The following PIGL variants were observed in gnomAD, a reference collection of about 807,000 sequenced individuals.
PIGL encodes N-acetylglucosaminyl-phosphatidylinositol de-N-acetylase.
PIGL carries 22 observed loss-of-function variants against 31.1 expected under a neutral mutation model. The observed-to-expected ratio is 0.71, with a 90% confidence interval of 0.51 to 1.01. The LOEUF (loss-of-function observed/expected upper bound fraction) is 1.01. Among genes scored for constraint, PIGL ranks in the 50% least tolerant of loss-of-function variants. PIGL has a pLI of 0.00. For synonymous variants in PIGL, 131 were observed against 117.4 expected, an observed-to-expected ratio of 1.12 and a Z score of -0.75; for missense variants, 302 against 315.9, an observed-to-expected ratio of 0.96 and a Z score of 0.33.
intron 2 of PIGL, among the ~76,000 whole-genome samples, chr17:16,272,601 C>T (rs2092877435): frequency 6.6e-6 from 1 of 152,192 alleles, no homozygotes; most frequent in Non-Finnish European, 1.5e-5. Context: ...AATTCTGGCT[C>T]ATCGTCCTAC....
intron 2 of PIGL, among the ~76,000 whole-genome samples, chr17:16,263,974 T>C (rs2092830318): frequency 1.3e-5 from 2 of 149,112 alleles, no homozygotes; most frequent in South Asian, 4.3e-4. Context: ...CCCGAGTAGC[T>C]GGGATTACAG....
intron 2 of PIGL, among the ~76,000 whole-genome samples, chr17:16,264,354 C>A (rs1443290523): frequency 1.3e-5 from 2 of 151,878 alleles, no homozygotes; most frequent in Admixed American, 6.6e-5. Flanking sequence ...CCATGTTGGC[C>A]AGGCTGGTCT....
intron 2 of PIGL, among the ~76,000 whole-genome samples, chr17:16,238,623 CAG>C: frequency 6.7e-6 from 1 of 149,554 alleles, no homozygotes; most frequent in Non-Finnish European, 1.5e-5. Context: ...TTTAGTAAGA[CAG>C]GGTTGCCAGG....
At chr17:16,295,089 C>T (rs181461275) in intron 2 of PIGL, among the ~76,000 whole-genome samples, 20 of 152,252 alleles carry the variant, frequency 1.3e-4, no homozygotes, top group Admixed American at 7.2e-4. Context: ...ATGTAACATC[C>T]GTCCATCGGG....
intron 3 of PIGL, among the ~76,000 whole-genome samples, chr17:16,309,028 C>T (rs570317894): frequency 3.3e-5 from 5 of 152,284 alleles, no homozygotes; most frequent in South Asian, 2.1e-4. Context: ...TGGGGTCAAG[C>T]GATCCTCCTA....
In PIGL at chr17:16,298,609, C is replaced by G. The variant is rs369638583; in HGVS notation, c.336-1279C>G. On this transcript the variant is annotated intron_variant, in intron 2 of 6. Coordinates refer to ENST00000225609, the MANE Select transcript of PIGL (RefSeq NM_004278.4). ...TACCTGACATGCAGCAAGTCCCAGT[C>G]CTGATGGAGGGAGGATGTAGCCAGC... 6.2e-4 allele frequency among the ~76,000 whole-genome samples: 94 copies of G among 152,290 alleles called. 2 individuals carry two copies. The South Asian group carries it at 0.013, about 21-fold the overall frequency.
At chr17:16,282,210 C>G (rs1208506357) in intron 2 of PIGL, 2 of 357,786 alleles carry the variant, frequency 5.6e-6, no homozygotes, top group Non-Finnish European at 1.3e-5. Context: ...AAAGCCCTCC[C>G]TTTTTCTGGG....
intron 2 of PIGL, among the ~76,000 whole-genome samples, chr17:16,289,839 C>T (rs781219295): frequency 1.2e-4 from 19 of 152,264 alleles, no homozygotes; most frequent in Non-Finnish European, 2.4e-4. Context: ...TGCAGTGGCA[C>T]GATCTTGGCT....
intron 3 of PIGL, among the ~76,000 whole-genome samples, chr17:16,301,638 C>T (rs867722131): frequency 1.4e-4 from 20 of 147,628 alleles, no homozygotes; most frequent in Non-Finnish European, 2.1e-4. Flanking sequence ...GTGGTGTGAT[C>T]GCCGCTCACT....
At chr17:16,240,299 G>A (rs1437344642) in intron 2 of PIGL, among the ~76,000 whole-genome samples, 1 of 152,018 alleles carries the variant, frequency 6.6e-6, no homozygotes, top group Non-Finnish European at 1.5e-5. Flanking sequence ...AGCCTGCAGA[G>A]CCATGAGCCA....
chr17:16,290,120 G>T (rs541348852), intron 2 of PIGL, among the ~76,000 whole-genome samples: 2 of 146,580 alleles, frequency 1.4e-5, no homozygotes, highest in East Asian at 4.1e-4. Flanking sequence ...TTGAGACGGA[G>T]ACTTGCTCTG....
chr17:16,311,486 A>ATTTTTTTTTTTTTT (rs1568840853), intron 3 of PIGL, among the ~76,000 whole-genome samples: 89 of 10,156 alleles, frequency 8.8e-3, no homozygotes, highest in Middle Eastern at 0.077. Context: ...TTTTTTGATC[A>ATTTTTTTTTTTTTT]TTCTTGGGTG....
intron 2 of PIGL, among the ~76,000 whole-genome samples, chr17:16,264,656 A>G (rs950659465): frequency 6.7e-6 from 1 of 148,606 alleles, no homozygotes; most frequent in Non-Finnish European, 1.5e-5. Flanking sequence ...TTATTTTGAG[A>G]CAGAGTCTCA....
chr17:16,224,413 C>A (rs574349631), intron 1 of PIGL, among the ~76,000 whole-genome samples: 5 of 151,760 alleles, frequency 3.3e-5, no homozygotes, highest in African/African-American at 9.7e-5. Flanking sequence ...TTCAAGTGAT[C>A]CCCCTGCTTC....
chr17:16,243,481 C>G (rs1388106426), intron 2 of PIGL, among the ~76,000 whole-genome samples: 1 of 152,204 alleles, frequency 6.6e-6, no homozygotes, highest in Non-Finnish European at 1.5e-5. Flanking sequence ...TATTCTTGAT[C>G]TTACTTGCTT....
chr17:16,275,635 A>G (rs543806171), intron 2 of PIGL, among the ~76,000 whole-genome samples: 6 of 152,276 alleles, frequency 3.9e-5, no homozygotes, highest in African/African-American at 1.4e-4. Flanking sequence ...ATGAAGATCC[A>G]TCTTCTGTGA....
Position 16,299,931 on chromosome 17 carries a change from G to A in PIGL, c.379G>A (p.Val127Met), listed in dbSNP as rs1217293167. The A allele has an allele frequency of 1.2e-5, 20 of 1,614,008 alleles. No individual in the cohort carries two copies. The highest frequency in any genetic ancestry group is 2.2e-5 in the South Asian group (2 of 91,090). ...DPGMQWDTEH[V>M]ARVLLQHIEV... ...AGGCATGCAGTGGGACACAGAGCACGTGGCCAGAGTCCTCCTTCAGCACAT... is the reference window on the plus strand; with the variant it reads ...AGGCATGCAGTGGGACACAGAGCACATGGCCAGAGTCCTCCTTCAGCACAT... The change falls in exon 3 of 7, where the codon GTG becomes ATG. Residue 127 changes from valine to methionine, a missense_variant. Transcript: ENST00000225609.
chr17:16,221,199 C>T (rs1282358462), intron 1 of PIGL, among the ~76,000 whole-genome samples: 1 of 152,014 alleles, frequency 6.6e-6, no homozygotes, highest in African/African-American at 2.4e-5. Flanking sequence ...TTTTATGAAC[C>T]TATTGAAAAT....
intron 2 of PIGL, among the ~76,000 whole-genome samples, chr17:16,295,309 A>AGCACTTTG (rs2092976651): frequency 6.6e-6 from 1 of 151,734 alleles, no homozygotes; most frequent in Non-Finnish European, 1.5e-5. Context: ...AGGCTGAGGC[A>AGCACTTTG]GGAGAATCGC....
Sources: allele counts gnomAD v4.1 joint callset (sites outside exome capture counted in the v4.1 genomes callset), GRCh38; gene constraint gnomAD v4.1.1; transcripts MANE v1.5; gene names NCBI Gene and HGNC (gene_info 2026-07-23, HGNC 2026-07-21).